PCDHA5: variants seen among roughly 807,000 people sequenced by gnomAD.
PCDHA5 encodes the protein protocadherin alpha 5.
PCDHA5 carries 43 observed loss-of-function variants against 61.6 expected under a neutral mutation model. The ratio of observed to expected loss-of-function variants is 0.70; its 90% CI spans 0.55 to 0.90. The LOEUF (loss-of-function observed/expected upper bound fraction) is 0.90, where lower values mean the gene tolerates loss of function less well. Among genes scored for constraint, PCDHA5 ranks in the 40% least tolerant of loss-of-function variants. The pLI is 0.00. For synonymous variants in PCDHA5, 627 were observed against 543.9 expected (o/e 1.15, Z -2.13); for missense variants, 1,298 against 1,222.7 (o/e 1.06, Z -0.92).
chr5:140,871,607 AT>A, intron 1 of PCDHA5: 1 of 1,438,710 alleles, frequency 7.0e-7, no homozygotes. Flanking sequence ...AGTGTTTTGA[AT>A]ATTGTTTTAG....
chr5:140,850,089 C>G (rs2150466506), intron 1 of PCDHA5: 1 of 1,596,512 alleles, frequency 6.3e-7, no homozygotes, highest in Non-Finnish European at 8.6e-7. Flanking sequence ...GGAGCTGCTA[C>G]AGTTCCAGGT....
At chr5:140,960,836 AG>A (rs551951864) in intron 1 of PCDHA5, among the ~76,000 whole-genome samples, 345 of 152,342 alleles carry the variant, frequency 2.3e-3, no homozygotes, top group African/African-American at 7.6e-3. Flanking sequence ...AACTTGGAAC[AG>A]GTTTAATGGC....
At chr5:140,834,761 T>G (rs1265880924) in intron 1 of PCDHA5, 6 of 1,613,900 alleles carry the variant, frequency 3.7e-6, no homozygotes, top group Non-Finnish European at 5.1e-6. Flanking sequence ...TGAAGGACAT[T>G]AACGACAACC....
chr5:141,001,381 A>G (rs1213919091), intron 3 of PCDHA5, among the ~76,000 whole-genome samples: 1 of 152,218 alleles, frequency 6.6e-6, no homozygotes, highest in Non-Finnish European at 1.5e-5. Context: ...TACAGAGCCT[A>G]AGATCCTACA....
Position 140,857,291 on chromosome 5 carries a change from G to A in PCDHA5, c.2352+33164G>A. 7 of 1,598,730 alleles carry A rather than the reference G, an allele frequency of 4.4e-6. 1 individual carries two copies. Among genetic ancestry groups the A allele is most frequent in the East Asian group, 4.5e-5 (2 of 44,850 alleles). On this transcript the variant is annotated intron_variant, in intron 1 of 3. Transcript: ENST00000529859. ...GGTGCTGGACAGCGCTCTGGACCGC[G>A]AGAGGGTGTCGGCCTATGAGCTGGT...
chr5:140,883,870 G>A, intron 1 of PCDHA5: 1 of 1,613,302 alleles, frequency 6.2e-7, no homozygotes. Flanking sequence ...TGCAGTTCCA[G>A]GTGAGCGCGC....
intron 3 of PCDHA5, among the ~76,000 whole-genome samples, chr5:140,988,499 C>CTT (rs2097300398): frequency 6.6e-6 from 1 of 152,138 alleles, no homozygotes; most frequent in Non-Finnish European, 1.5e-5. Context: ...CTAGGAGAAG[C>CTT]CATGAAGCTT....
chr5:140,838,048 T>C (rs2150282341), intron 1 of PCDHA5, among the ~76,000 whole-genome samples: 3 of 151,048 alleles, frequency 2.0e-5, no homozygotes, highest in African/African-American at 7.3e-5. Flanking sequence ...CTGCACTTTT[T>C]GGTTTTCCAC....
chr5:140,982,706 T>C, intron 3 of PCDHA5, 143 bp downstream of exon 3: 1 of 1,375,170 alleles, frequency 7.3e-7, no homozygotes, highest in Admixed American at 2.9e-5. Flanking sequence ...ATGATTTCCT[T>C]ACATATATGA....
chr5:140,879,589 A>G (rs2058049274), intron 1 of PCDHA5, among the ~76,000 whole-genome samples: 1 of 152,214 alleles, frequency 6.6e-6, no homozygotes, highest in South Asian at 2.1e-4. Context: ...CAGACATTGA[A>G]AAGTGAAAAA....
intron 3 of PCDHA5, among the ~76,000 whole-genome samples, chr5:140,996,637 G>A (rs2097735642): frequency 6.6e-6 from 1 of 152,190 alleles, no homozygotes; most frequent in Admixed American, 6.5e-5. Flanking sequence ...TGCAAATTAT[G>A]TAGTTAATCC....
At chr5:140,851,809 T>TA in intron 1 of PCDHA5, 1 of 948,344 alleles carries the variant, frequency 1.1e-6, no homozygotes, top group Non-Finnish European at 1.3e-6. Flanking sequence ...CAGTAATCCA[T>TA]AAGACAGAAA....
intron 1 of PCDHA5, among the ~76,000 whole-genome samples, chr5:140,942,586 A>C (rs559683622): frequency 1.3e-5 from 2 of 150,518 alleles, no homozygotes; most frequent in African/African-American, 4.9e-5. Context: ...ATAGGATGTC[A>C]CATATAATTA....
chr5:140,978,424 T>C (rs1554239310), intron 1 of PCDHA5, among the ~76,000 whole-genome samples: 1 of 152,238 alleles, frequency 6.6e-6, no homozygotes, highest in African/African-American at 2.4e-5. Flanking sequence ...GAGACTGTTA[T>C]CAGTTGCTGG....
intron 1 of PCDHA5, chr5:140,825,908 A>G (rs1214842768): frequency 6.6e-6 from 1 of 152,422 alleles, no homozygotes; most frequent in Non-Finnish European, 1.5e-5. Flanking sequence ...GTTTGAGACT[A>G]CGCTAGACAG....
intron 1 of PCDHA5, among the ~76,000 whole-genome samples, chr5:140,840,117 TG>T (rs1426116905): frequency 6.6e-6 from 1 of 151,944 alleles, no homozygotes; most frequent in African/African-American, 2.4e-5. Flanking sequence ...GAGTGAAAGC[TG>T]TACTAATAAG....
At chr5:140,835,695 A>G (rs2150242144) in intron 1 of PCDHA5, 2 of 1,613,712 alleles carry the variant, frequency 1.2e-6, no homozygotes, top group South Asian at 2.2e-5. Context: ...TCTGTGGGCC[A>G]CTGCTAGCGT....
At chr5:140,897,187 TA>T (rs1554187233) in intron 1 of PCDHA5, among the ~76,000 whole-genome samples, 7 of 152,166 alleles carry the variant, frequency 4.6e-5, no homozygotes, top group Non-Finnish European at 1.0e-4. Context: ...TCAAAAAATA[TA>T]TTTTTTTATT....
chr5:140,854,265 A>C lies in PCDHA5; in HGVS notation c.2352+30138A>C, dbSNP rs2043061448. The C allele has an allele frequency of 6.7e-6, 4 of 593,530 alleles. 1 individual carries two copies. The highest frequency in any genetic ancestry group is 4.0e-5 in the African/African-American group (2 of 49,606). The allele number at this position is 593,530 out of a possible 1,614,324, so 36.8% of individuals were successfully genotyped here. A position where few individuals can be genotyped will look rare whatever the true frequency, so the allele number is the denominator to read the frequency against. ...TATCACTTGGTATAAAATGTACATT[A>C]GTAGAAATTGAGTTTAGTTTTTATT... On this transcript the variant is annotated intron_variant, in intron 1 of 3. Transcript: ENST00000529859.
Sources: allele counts gnomAD v4.1 joint callset (sites outside exome capture counted in the v4.1 genomes callset), GRCh38; gene constraint gnomAD v4.1.1; transcripts MANE v1.5; gene names NCBI Gene and HGNC (gene_info 2026-07-23, HGNC 2026-07-21).